The following NHSL1 variants were observed in gnomAD, a reference collection of about 807,000 sequenced individuals.
NHSL1 encodes NHS like 1.
A neutral mutation model predicts 95.0 loss-of-function variants in NHSL1; 48 were observed. The observed-to-expected ratio is 0.51, with a 90% CI of 0.40 to 0.64. The LOEUF is 0.64. NHSL1 is among the 30% of genes least tolerant of loss of function. The pLI, the probability that NHSL1 is intolerant of heterozygous loss-of-function variation, is 0.00. For synonymous variants in NHSL1, 783 were observed against 833.9 expected, an observed-to-expected ratio of 0.94 and a Z score of 1.05; for missense variants, 1,971 against 2,077.7, an observed-to-expected ratio of 0.95 and a Z score of 1.00.
rs191891043 is a variant in NHSL1, at chr6:138,542,606, C to A, written c.16+3017G>T. ...GGAAATTTCTTTTAAAAAGTCTTCA[C>A]CGAAGTTAGAGAAGCACTGCAAAGA... On this transcript the variant is annotated intron_variant, in intron 1 of 4. Coordinates refer to the NHSL1 transcript ENST00000342260. 6.6e-5 allele frequency among the ~76,000 whole-genome samples: 10 copies of A among 152,226 alleles called. No homozygotes were observed. In the East Asian group the frequency reaches 1.5e-3, roughly 23 times the overall value.
At chr6:138,667,960 T>C (rs1785315757) in intron 1 of NHSL1, among the ~76,000 whole-genome samples, 1 of 152,230 alleles carries the variant, frequency 6.6e-6, no homozygotes, top group Non-Finnish European at 1.5e-5. Flanking sequence ...ATAATTTTAA[T>C]AGTTAATATT....
intron 1 of NHSL1, among the ~76,000 whole-genome samples, chr6:138,671,600 G>A (rs752238991): frequency 8.5e-5 from 13 of 152,098 alleles, no homozygotes; most frequent in Admixed American, 2.6e-4. Context: ...AACCAGCCAC[G>A]GAGGAACACT....
intron 1 of NHSL1, among the ~76,000 whole-genome samples, chr6:138,562,524 T>C (rs1783450898): frequency 6.6e-6 from 1 of 152,092 alleles, no homozygotes; most frequent in Non-Finnish European, 1.5e-5. Context: ...TAGCCAGGCG[T>C]GGTGGCACAC....
At chr6:138,546,441 A>AC (rs1562362724), upstream of NHSL1, among the ~76,000 whole-genome samples, 1 of 130,518 alleles carries the variant, frequency 7.7e-6, no homozygotes, top group African/African-American at 4.1e-5. Context: ...AAAAAAAAAA[A>AC]AAAAAAAAAA....
chr6:138,686,121 C>A (rs1785581778), intron 1 of NHSL1, among the ~76,000 whole-genome samples: 1 of 151,832 alleles, frequency 6.6e-6, no homozygotes, highest in Non-Finnish European at 1.5e-5. Context: ...GTGACCATAG[C>A]TAATAACATG....
At chr6:138,690,174 T>G (rs1387683888) in intron 1 of NHSL1, among the ~76,000 whole-genome samples, 3 of 152,202 alleles carry the variant, frequency 2.0e-5, no homozygotes, top group Non-Finnish European at 4.4e-5. Context: ...TAATGGAGTA[T>G]GATATTCTGA....
intron 1 of NHSL1, among the ~76,000 whole-genome samples, chr6:138,629,997 G>A (rs1784796466): frequency 1.3e-5 from 2 of 152,190 alleles, no homozygotes; most frequent in Admixed American, 1.3e-4. Context: ...GGCTGGGCTT[G>A]AGGCCAGAAG....
intron 3 of NHSL1, chr6:138,464,379 C>T (rs1778209210): frequency 4.4e-6 from 2 of 456,906 alleles, no homozygotes. Context: ...GCTGCCTTCG[C>T]CAGGCACTTC....
intron 6 of NHSL1, 59 bp from the exon 7 acceptor site, chr6:138,429,902 C>A: frequency 1.3e-6 from 2 of 1,502,636 alleles, no homozygotes; most frequent in East Asian, 5.0e-5. Flanking sequence ...CAGTCCTCAG[C>A]CAAGCTTCTA....
In NHSL1 at chr6:138,433,086, G is replaced by A. The variant is rs147533358; in HGVS notation, c.1259C>T (p.Ser420Phe). ...TSIIPNATLS[S>F]SSEVIAIPTA... ...GGGAATAGCGATGACCTCGGAAGAGGAAGACAGTGTGGCATTTGGGATGAT... is the reference window on the plus strand; with the variant it reads ...GGGAATAGCGATGACCTCGGAAGAGAAAGACAGTGTGGCATTTGGGATGAT... Residue 420 changes from serine to phenylalanine, a missense_variant, in exon 6 of 8, where the codon TCC becomes TTC. By Grantham distance (155) the Ser-to-Phe change is radical (BLOSUM62 -2). This residue lies in a region of NHSL1 where 1,602 missense variants were observed against 1,654.5 expected (regional missense o/e 0.97). Coordinates refer to ENST00000343505, the MANE Select transcript of NHSL1 (RefSeq NM_001144060.2). 8 of 1,551,016 alleles carry A rather than the reference G, an allele frequency of 5.2e-6. No individual in the cohort carries two copies. Among genetic ancestry groups the A allele is most frequent in the Non-Finnish European group, 5.2e-6 (6 of 1,146,818 alleles).
At chr6:138,433,803 C>T (rs1775885338) in intron 5 of NHSL1, 123 bp from the exon 6 acceptor site, 1 of 1,340,550 alleles carries the variant, frequency 7.5e-7, no homozygotes, top group Non-Finnish European at 9.7e-7. Flanking sequence ...TTCCTTTCTC[C>T]TGTAGGTATC....
chr6:138,531,212 CTGTT>C (rs1019890177), intron 1 of NHSL1, among the ~76,000 whole-genome samples: 3 of 152,262 alleles, frequency 2.0e-5, no homozygotes, highest in Admixed American at 6.5e-5. Context: ...AAAAATTAAA[CTGTT>C]TGTCTGCATT....
intron 1 of NHSL1, among the ~76,000 whole-genome samples, chr6:138,668,542 C>T (rs1047431995): frequency 6.6e-6 from 1 of 150,948 alleles, no homozygotes; most frequent in Non-Finnish European, 1.5e-5. Context: ...TAAACATATG[C>T]AATTATTATC....
intron 1 of NHSL1, among the ~76,000 whole-genome samples, chr6:138,561,520 C>T (rs921206898): frequency 2.0e-5 from 3 of 152,282 alleles, no homozygotes; most frequent in African/African-American, 4.8e-5. Context: ...CTCTAGGAAA[C>T]GCCCTGTAGG....
At chr6:138,484,842 A>AT (rs1779626432) in intron 2 of NHSL1, among the ~76,000 whole-genome samples, 4 of 152,234 alleles carry the variant, frequency 2.6e-5, no homozygotes, top group Admixed American at 2.6e-4. Flanking sequence ...TTTGTTTTTC[A>AT]TTGCACACCA....
At chr6:138,630,661 A>G (rs1348538912) in intron 1 of NHSL1, among the ~76,000 whole-genome samples, 2 of 152,230 alleles carry the variant, frequency 1.3e-5, no homozygotes, top group East Asian at 3.8e-4. Context: ...CTGGGATTAC[A>G]GGCGTGAGTA....
At chr6:138,534,009 A>G (rs922988675) in intron 1 of NHSL1, among the ~76,000 whole-genome samples, 18 of 152,342 alleles carry the variant, frequency 1.2e-4, no homozygotes, top group African/African-American at 4.1e-4. Flanking sequence ...GCCATTAATG[A>G]TTGAAACTGT....
chr6:138,637,104 C>T (rs1015394590), intron 1 of NHSL1, among the ~76,000 whole-genome samples: 4 of 152,038 alleles, frequency 2.6e-5, no homozygotes, highest in African/African-American at 4.8e-5. Flanking sequence ...ACACATCTAC[C>T]GTTAATTCAT....
At chr6:138,511,028 T>C (rs1781197427) in intron 1 of NHSL1, among the ~76,000 whole-genome samples, 1 of 152,076 alleles carries the variant, frequency 6.6e-6, no homozygotes. Flanking sequence ...CCCACATAAT[T>C]TGGCCCACAC....
Sources: gnomAD v4.1 joint callset for allele counts (sites outside exome capture counted in the v4.1 genomes callset) on GRCh38, gnomAD v4.1.1 for gene constraint, gnomAD v4.1.1 regional missense constraint, MANE v1.5 for transcripts, NCBI Gene and HGNC (gene_info 2026-07-23, HGNC 2026-07-21) for gene names.